The following SRGAP1 variants were observed in gnomAD, a reference collection of about 807,000 sequenced individuals.
SRGAP1 encodes the protein SLIT-ROBO Rho GTPase-activating protein 1.
SRGAP1 carries 43 observed loss-of-function variants against 121.9 expected under a neutral mutation model. The ratio of observed to expected loss-of-function variants is 0.35; its 90% CI spans 0.28 to 0.46. SRGAP1 has a LOEUF of 0.46. Ranked by LOEUF, SRGAP1 falls within the 20% of genes least tolerant of loss-of-function variation. SRGAP1 has a pLI of 1.00. For missense variants in SRGAP1, 1,102 were observed against 1,350.9 expected, an observed-to-expected ratio of 0.82 and a Z score of 2.89; for synonymous variants, 447 against 485.4, an observed-to-expected ratio of 0.92 and a Z score of 1.04.
intron 8 of SRGAP1, among the ~76,000 whole-genome samples, chr12:64,068,480 GTTA>G (rs747368819): frequency 1 from 150,216 of 150,296 alleles, 75,068 homozygotes; most frequent in Non-Finnish European, 1. Flanking sequence ...GACTACAAGT[GTTA>G]ACCACCGTGC....
At chr12:63,904,599 G>T (rs2030108624) in intron 1 of SRGAP1, among the ~76,000 whole-genome samples, 1 of 152,102 alleles carries the variant, frequency 6.6e-6, no homozygotes, top group South Asian at 2.1e-4. Context: ...TTTTAACAAA[G>T]TAACATGGTC....
intron 10 of SRGAP1, among the ~76,000 whole-genome samples, chr12:64,084,568 T>A (rs1010882342): frequency 1.3e-5 from 2 of 149,478 alleles, no homozygotes; most frequent in African/African-American, 2.4e-5. Flanking sequence ...AAACGATGGA[T>A]GTGGTAGTGT....
chr12:63,924,167 A>G (rs1258176058), intron 1 of SRGAP1, among the ~76,000 whole-genome samples: 2 of 152,160 alleles, frequency 1.3e-5, no homozygotes, highest in Non-Finnish European at 2.9e-5. Context: ...AAAAGAAAAA[A>G]GAAAAAAAGA....
At chr12:63,884,341 A>G (rs1305200358) in intron 1 of SRGAP1, among the ~76,000 whole-genome samples, 1 of 152,146 alleles carries the variant, frequency 6.6e-6, no homozygotes, top group African/African-American at 2.4e-5. Flanking sequence ...TCATAGTGGA[A>G]TATAAATCCT....
chr12:63,998,887 T>A (rs988630776), intron 3 of SRGAP1, among the ~76,000 whole-genome samples: 1 of 152,176 alleles, frequency 6.6e-6, no homozygotes, highest in Non-Finnish European at 1.5e-5. Flanking sequence ...TATTGAAGCT[T>A]TCTTTGTCTC....
At chr12:63,960,668 T>C (rs2032612054) in intron 1 of SRGAP1, among the ~76,000 whole-genome samples, 1 of 152,166 alleles carries the variant, frequency 6.6e-6, no homozygotes, top group South Asian at 2.1e-4. Flanking sequence ...GCAGACGTTA[T>C]TAGGTGAAGA....
At chr12:63,849,608 C>T (rs186341378) in intron 1 of SRGAP1, among the ~76,000 whole-genome samples, 4 of 152,248 alleles carry the variant, frequency 2.6e-5, no homozygotes, top group African/African-American at 9.6e-5. Flanking sequence ...GAGGAAATGC[C>T]AATTTGATTT....
chr12:64,073,347 T>G (rs144971551), intron 8 of SRGAP1, among the ~76,000 whole-genome samples: 3 of 152,350 alleles, frequency 2.0e-5, no homozygotes, highest in African/African-American at 7.2e-5. Flanking sequence ...TTGATAATGC[T>G]GCTGTCTCTG....
intron 18 of SRGAP1, among the ~76,000 whole-genome samples, chr12:64,122,822 C>T (rs748077276): frequency 5.9e-5 from 9 of 152,058 alleles, no homozygotes; most frequent in African/African-American, 1.2e-4. Context: ...CGCTTGAACC[C>T]GGGAGGCAGA....
chr12:64,095,046 C>T, intron 13 of SRGAP1, 54 bp downstream of exon 13: 1 of 1,609,332 alleles, frequency 6.2e-7, no homozygotes, highest in South Asian at 1.1e-5. Flanking sequence ...TGAAGTGTTT[C>T]AGTAAATTTA....
chr12:64,147,480 C>T lies in SRGAP1; in HGVS notation c.*4808C>T, dbSNP rs984694807. On this transcript the variant is annotated 3_prime_UTR_variant, in exon 22 of 22. Transcript: ENST00000355086. The stretch of plus-strand genomic sequence containing the variant: ...GGTGCTCAGTAATGTCCCATCTCAC[C>T]TCCCTGTCGGTCCTCAGACTGTCTC... 3 of 397,574 alleles carry T rather than the reference C, an allele frequency of 7.5e-6. No homozygotes were observed. Among genetic ancestry groups the T allele is most frequent in the African/African-American group, 6.2e-5 (3 of 48,480 alleles). The allele number at this position is 397,574 out of a possible 1,614,324, so 24.6% of individuals were successfully genotyped here. A position where few individuals can be genotyped will look rare whatever the true frequency, so the allele number is the denominator to read the frequency against.
At chr12:64,074,374 T>C (rs1371611483) in intron 8 of SRGAP1, among the ~76,000 whole-genome samples, 1 of 152,204 alleles carries the variant, frequency 6.6e-6, no homozygotes, top group Non-Finnish European at 1.5e-5. Flanking sequence ...TTAAGTGTGG[T>C]ATATGAGGGC....
chr12:63,940,966 G>A (rs2031844561), intron 1 of SRGAP1, among the ~76,000 whole-genome samples: 1 of 152,130 alleles, frequency 6.6e-6, no homozygotes, highest in Admixed American at 6.5e-5. Context: ...TTTTACTCTA[G>A]ATGAGAGCTG....
chr12:64,103,353 A>G (rs896053974), intron 15 of SRGAP1, among the ~76,000 whole-genome samples: 20 of 152,150 alleles, frequency 1.3e-4, no homozygotes, highest in Non-Finnish European at 5.9e-5. Flanking sequence ...CAATAATATT[A>G]TTTTCAAAAT....
At chr12:63,939,844 A>G (rs1228990330) in intron 1 of SRGAP1, among the ~76,000 whole-genome samples, 1 of 152,084 alleles carries the variant, frequency 6.6e-6, no homozygotes, top group Non-Finnish European at 1.5e-5. Flanking sequence ...TGTGAAATGG[A>G]GAGATTGAAC....
chr12:64,120,577 A>T (rs2036591629), intron 18 of SRGAP1: 1 of 152,162 alleles, frequency 6.6e-6, no homozygotes, highest in Non-Finnish European at 1.5e-5. Flanking sequence ...TAAGATTTCT[A>T]GAACTAGATG....
chr12:64,086,390 T>C (rs754986705), intron 10 of SRGAP1, among the ~76,000 whole-genome samples: 1 of 152,210 alleles, frequency 6.6e-6, no homozygotes, highest in Non-Finnish European at 1.5e-5. Flanking sequence ...GTTGATGTTT[T>C]AATGGACAGA....
chr12:63,867,136 C>T (rs1019413084), intron 1 of SRGAP1, among the ~76,000 whole-genome samples: 4 of 152,202 alleles, frequency 2.6e-5, no homozygotes, highest in Admixed American at 2.0e-4. Context: ...CAAGTGTGAG[C>T]CACCACTCCT....
chr12:63,851,352 G>A (rs1166599242), intron 1 of SRGAP1, among the ~76,000 whole-genome samples: 1 of 151,964 alleles, frequency 6.6e-6, no homozygotes, highest in Non-Finnish European at 1.5e-5. Flanking sequence ...CAGCACTTTG[G>A]GAGGCAGAGA....
Sources: gnomAD v4.1 joint callset for allele counts (sites outside exome capture counted in the v4.1 genomes callset) on GRCh38, gnomAD v4.1.1 for gene constraint, MANE v1.5 for transcripts, NCBI Gene and HGNC (gene_info 2026-07-23, HGNC 2026-07-21) for gene names.